Variants in RNF149 observed in about 807,000 individuals in gnomAD.
The protein encoded by RNF149 is ring finger protein 149, also known as E3 ubiquitin-protein ligase RNF149.
A neutral mutation model predicts 39.0 loss-of-function variants in RNF149; 21 were observed. The ratio of observed to expected loss-of-function variants is 0.54; its 90% CI spans 0.38 to 0.77. The LOEUF (loss-of-function observed/expected upper bound fraction) is 0.77, where lower values mean the gene tolerates loss of function less well. RNF149 is among the 30% of genes least tolerant of loss of function. RNF149 has a pLI of 0.00. For missense variants in RNF149, 493 were observed against 534.9 expected, an observed-to-expected ratio of 0.92 and a Z score of 0.77; for synonymous variants, 209 against 213.6, an observed-to-expected ratio of 0.98 and a Z score of 0.19.
Position 101,275,649 on chromosome 2 carries a change from G to A in RNF149, c.*1589C>T, listed in dbSNP as rs1460923032. ...GTAGAGACGGGGTTTCACCGTTTTA[G>A]CCGGGATGGTCTCGATCTCCTGACC... On this transcript the variant is annotated 3_prime_UTR_variant, in exon 7 of 7. Transcript: ENST00000295317. The A allele has an allele frequency of 1.7e-5, 3 of 175,880 alleles. No individual in the cohort carries two copies. Among genetic ancestry groups the A allele is most frequent in the African/African-American group, 7.5e-5 (3 of 40,008 alleles). The allele number at this position is 175,880 out of a possible 1,614,324, so 10.9% of individuals were successfully genotyped here.
At chr2:101,290,250 CATTT>C (rs1682956395) in intron 3 of RNF149, among the ~76,000 whole-genome samples, 1 of 152,206 alleles carries the variant, frequency 6.6e-6, no homozygotes, top group South Asian at 2.1e-4. Context: ...TAAATACTAT[CATTT>C]ATCATACACA....
intron 4 of RNF149, chr2:101,286,468 A>G (rs997484030): frequency 1.3e-5 from 3 of 232,526 alleles, no homozygotes; most frequent in Non-Finnish European, 2.5e-5. Flanking sequence ...CTTTTTGGGA[A>G]AAAATGTGGC....
At chr2:101,277,334 G>C in intron 6 of RNF149, 53 bp from the exon 7 acceptor site, 1 of 1,563,088 alleles carries the variant, frequency 6.4e-7, no homozygotes, top group Middle Eastern at 1.7e-4. Flanking sequence ...CATATTCCGA[G>C]CTTCAACTAT....
chr2:101,276,763 CA>C lies in RNF149; in HGVS notation c.*474del. The C allele has an allele frequency of 1.0e-6, 1 of 989,412 alleles. No individual in the cohort carries two copies. The highest frequency in any genetic ancestry group is 1.2e-6 in the Non-Finnish European group (1 of 832,254). The allele number at this position is 989,412 out of a possible 1,614,324, so 61.3% of individuals were successfully genotyped here. A position where few individuals can be genotyped will look rare whatever the true frequency, so the allele number is the denominator to read the frequency against. On this transcript the variant is annotated 3_prime_UTR_variant, in exon 7 of 7. Coordinates refer to ENST00000295317, the MANE Select transcript of RNF149 (RefSeq NM_173647.4). ...TACAGACATCTCAGTTTACAAGTTTCAAGTTCTTAAAAAAAAAACAACAAAA... is the reference window on the plus strand; with the variant it reads ...TACAGACATCTCAGTTTACAAGTTTCAGTTCTTAAAAAAAAAACAACAAAA...
Position 101,281,977 on chromosome 2 carries a change from A to AG in RNF149, c.1040dup (p.Leu348PhefsTer4). 6.2e-7 allele frequency: 1 copy of AG among 1,614,054 alleles called. No homozygotes were observed. On this transcript the variant is annotated frameshift_variant, in exon 6 of 7. Transcript: ENST00000295317. LOFTEE classifies it high-confidence loss of function. ...CATCACTTCCGTCATCATCTGGTAA[A>AG]GCTAGACTCAAATTTGCAGCTGGAT...
rs374625772 is a variant in RNF149, at chr2:101,295,115, T to G, written c.527A>C (p.Gln176Pro). 7 of 1,614,080 alleles carry G rather than the reference T, an allele frequency of 4.3e-6. No individual in the cohort carries two copies. The highest frequency in any genetic ancestry group is 2.5e-6 in the Non-Finnish European group (3 of 1,180,014). ...GGTCATCGTTACTGGAATTCCTTTTTGCACCAGCTCCAAAATTTCTCTTCC... is the reference window on the plus strand; with the variant it reads ...GGTCATCGTTACTGGAATTCCTTTTGGCACCAGCTCCAAAATTTCTCTTCC... ...PKGREILELV[Q>P]KGIPVTMTIG... Residue 176 changes from glutamine (Q) to proline (P), a missense_variant, in exon 2 of 7, where the codon CAA (glutamine) becomes CCA (proline). Coordinates refer to ENST00000295317, the MANE Select transcript of RNF149 (RefSeq NM_173647.4).
At chr2:101,284,226 A>G (rs1682705204) in intron 5 of RNF149, among the ~76,000 whole-genome samples, 1 of 152,226 alleles carries the variant, frequency 6.6e-6, no homozygotes, top group African/African-American at 2.4e-5. Flanking sequence ...GTTCTTGAAC[A>G]CTGACCTCCA....
In RNF149 at chr2:101,277,089, T is replaced by C; in HGVS notation, c.*149A>G. On this transcript the variant is annotated 3_prime_UTR_variant, in exon 7 of 7. Coordinates refer to ENST00000295317, the MANE Select transcript of RNF149 (RefSeq NM_173647.4). ...AAAGTCTCTTCAAGAAGAAAATATCTTAGTCCTTTGTATATCAAATCAGAA... is the reference window on the plus strand; with the variant it reads ...AAAGTCTCTTCAAGAAGAAAATATCCTAGTCCTTTGTATATCAAATCAGAA... The C allele has an allele frequency of 7.1e-7, 1 of 1,410,446 alleles. No homozygotes were observed. Among genetic ancestry groups the C allele is most frequent in the Non-Finnish European group, 9.4e-7 (1 of 1,061,534 alleles). The allele number at this position is 1,410,446 out of a possible 1,614,324, so 87.4% of individuals were successfully genotyped here.
chr2:101,294,795 C>G (rs1683155277), intron 2 of RNF149, 136 bp downstream of exon 2: 15 of 769,878 alleles, frequency 1.9e-5, no homozygotes, highest in Non-Finnish European at 2.9e-5. Flanking sequence ...AAGTTACTTC[C>G]AAAAAGTCAT....
downstream of RNF149, chr2:101,273,305 TA>T: frequency 2.1e-6 from 1 of 473,632 alleles, no homozygotes. Context: ...TTTCCACAGT[TA>T]AATACTGGTC....
intron 1 of RNF149, among the ~76,000 whole-genome samples, chr2:101,295,422 G>T (rs774050812): frequency 3.9e-5 from 6 of 152,046 alleles, no homozygotes; most frequent in Non-Finnish European, 7.4e-5. Flanking sequence ...AGCACTTTGG[G>T]AGGCCTAGGC....
intron 1 of RNF149, among the ~76,000 whole-genome samples, chr2:101,305,323 C>T (rs1013209787): frequency 2.6e-5 from 4 of 152,108 alleles, no homozygotes; most frequent in Non-Finnish European, 5.9e-5. Context: ...GAATTAATTC[C>T]ATTCTCAAAA....
chr2:101,284,993 C>T (rs897877105), intron 5 of RNF149, among the ~76,000 whole-genome samples: 15 of 152,202 alleles, frequency 9.9e-5, no homozygotes, highest in African/African-American at 3.6e-4. Context: ...CTCCCAGACT[C>T]ATGCGATCCT....
intron 3 of RNF149, 138 bp from the exon 4 acceptor site, chr2:101,289,193 T>A: frequency 1.7e-6 from 1 of 593,394 alleles, no homozygotes; most frequent in Non-Finnish European, 3.0e-6. Context: ...CACAAATAAC[T>A]GTACTTGGTG....
Position 101,276,091 on chromosome 2 carries a change from G to A in RNF149, c.*1147C>T, listed in dbSNP as rs1682335008. 1.0e-5 allele frequency: 9 copies of A among 878,628 alleles called. No homozygotes were observed. The highest frequency in any genetic ancestry group is 1.2e-5 in the Non-Finnish European group (9 of 732,762). The allele number at this position is 878,628 out of a possible 1,614,324, so 54.4% of individuals were successfully genotyped here. On this transcript the variant is annotated 3_prime_UTR_variant, in exon 7 of 7. Coordinates refer to ENST00000295317, the MANE Select transcript of RNF149 (RefSeq NM_173647.4). ...AAATAAATTTATAATTTTAAAAATT[G>A]TTTTAAATAAACATTTATTTTTACC...
intron 2 of RNF149, chr2:101,294,521 G>T (rs1683144835): frequency 5.0e-6 from 1 of 199,410 alleles, no homozygotes; most frequent in African/African-American, 2.4e-5. Flanking sequence ...CACAATGACA[G>T]AAATAAGTGG....
At chr2:101,292,143 T>A (rs1275748602) in intron 3 of RNF149, among the ~76,000 whole-genome samples, 2 of 152,176 alleles carry the variant, frequency 1.3e-5, no homozygotes, top group Non-Finnish European at 2.9e-5. Context: ...AAAACAACAC[T>A]TGAAGTATGG....
chr2:101,288,259 C>T (rs537175507), intron 4 of RNF149, among the ~76,000 whole-genome samples: 15 of 102,682 alleles, frequency 1.5e-4, no homozygotes, highest in East Asian at 6.4e-4. Context: ...TTTTTTGAGA[C>T]GGAGTCTCAC....
At chr2:101,284,400 T>C (rs1682712867) in intron 5 of RNF149, among the ~76,000 whole-genome samples, 1 of 152,034 alleles carries the variant, frequency 6.6e-6, no homozygotes. Context: ...GCCAGTGTGG[T>C]AAAACCCTAT....
Sources: allele counts gnomAD v4.1 joint callset (sites outside exome capture counted in the v4.1 genomes callset), GRCh38; gene constraint gnomAD v4.1.1; transcripts MANE v1.5; gene names NCBI Gene and HGNC (gene_info 2026-07-23, HGNC 2026-07-21).